The following EBF1 variants were observed in gnomAD, a reference collection of about 807,000 sequenced individuals.
EBF1 encodes the protein transcription factor COE1.
EBF1 carries 10 observed loss-of-function variants against 68.4 expected under a neutral mutation model. The observed-to-expected ratio is 0.15, with a 90% CI of 0.09 to 0.25. The LOEUF (loss-of-function observed/expected upper bound fraction) is 0.25. EBF1 is among the 10% of genes least tolerant of loss of function. EBF1 has a pLI of 1.00. For synonymous variants in EBF1, 298 were observed against 299.8 expected, an observed-to-expected ratio of 0.99 and a Z score of 0.06; for missense variants, 509 against 794.4, an observed-to-expected ratio of 0.64 and a Z score of 4.32.
intron 6 of EBF1, among the ~76,000 whole-genome samples, chr5:158,863,205 G>A (rs188309218): frequency 9.9e-5 from 15 of 152,200 alleles, no homozygotes; most frequent in African/African-American, 3.6e-4. Flanking sequence ...CTCCCCCCAT[G>A]TAAGTCCTCA....
intron 10 of EBF1, among the ~76,000 whole-genome samples, chr5:158,756,976 T>G (rs895709467): frequency 7.3e-6 from 1 of 136,674 alleles, no homozygotes; most frequent in Admixed American, 7.4e-5. Flanking sequence ...ACCCTCATGC[T>G]GAAAAAAAAA....
chr5:159,061,507 A>C (rs1775815818), intron 6 of EBF1, among the ~76,000 whole-genome samples: 1 of 152,106 alleles, frequency 6.6e-6, no homozygotes. Context: ...TTAAACTATG[A>C]CAAATCATTT....
At chr5:158,737,266 A>ATTTTTTTTTTTTTT (rs61380054) in intron 10 of EBF1, among the ~76,000 whole-genome samples, 3 of 55,598 alleles carry the variant, frequency 5.4e-5, no homozygotes, top group Admixed American at 3.2e-4. Flanking sequence ...ACATGCCCTG[A>ATTTTTTTTTTTTTT]TTTTTTTTTT....
intron 6 of EBF1, among the ~76,000 whole-genome samples, chr5:158,866,827 GTATATGTATATATATATATATATATATA>G (rs1795958212): frequency 3.4e-5 from 2 of 58,344 alleles, no homozygotes; most frequent in Non-Finnish European, 3.1e-5. Context: ...GTATATATAT[GTATATGTATATATATATATATATATATA>G]TATATATATA....
At chr5:158,938,420 T>G (rs550687169) in intron 6 of EBF1, among the ~76,000 whole-genome samples, 1 of 152,346 alleles carries the variant, frequency 6.6e-6, no homozygotes, top group African/African-American at 2.4e-5. Flanking sequence ...CTCCGGGAAT[T>G]GTCCCAGCTG....
intron 6 of EBF1, among the ~76,000 whole-genome samples, chr5:158,989,112 T>C (rs1189813247): frequency 6.6e-6 from 1 of 152,206 alleles, no homozygotes; most frequent in Non-Finnish European, 1.5e-5. Flanking sequence ...CCTGGCTGTC[T>C]GATACCCAGC....
chr5:158,896,787 G>A (rs1477893349), intron 6 of EBF1, among the ~76,000 whole-genome samples: 1 of 151,960 alleles, frequency 6.6e-6, no homozygotes, highest in Non-Finnish European at 1.5e-5. Context: ...AAAACCTCTT[G>A]TAAAATAAAT....
At chr5:159,098,695 AAAG>A (rs1445718584) in intron 1 of EBF1, among the ~76,000 whole-genome samples, 2 of 151,464 alleles carry the variant, frequency 1.3e-5, no homozygotes, top group African/African-American at 2.4e-5. Context: ...AGAAGAAAGA[AAAG>A]AAGGCAGGAA....
intron 6 of EBF1, among the ~76,000 whole-genome samples, chr5:158,999,859 T>C (rs1405635784): frequency 6.6e-6 from 1 of 152,206 alleles, no homozygotes; most frequent in Non-Finnish European, 1.5e-5. Context: ...CCAACTCTTT[T>C]CCTACTGTTC....
chr5:158,879,057 C>T (rs1798337944), intron 6 of EBF1, among the ~76,000 whole-genome samples: 1 of 151,968 alleles, frequency 6.6e-6, no homozygotes, highest in African/African-American at 2.4e-5. Flanking sequence ...TTTTTTTCTC[C>T]TTTGGTCTAG....
chr5:159,061,959 C>T (rs1213348684), intron 6 of EBF1, among the ~76,000 whole-genome samples: 2 of 152,142 alleles, frequency 1.3e-5, no homozygotes, highest in Non-Finnish European at 2.9e-5. Context: ...CAATAAGAAT[C>T]CATGTTCAAA....
chr5:158,878,694 A>G (rs1299060117), intron 6 of EBF1, among the ~76,000 whole-genome samples: 2 of 144,398 alleles, frequency 1.4e-5, no homozygotes, highest in African/African-American at 2.6e-5. Flanking sequence ...CCCAGGCTGG[A>G]GTGCAGTGGA....
intron 6 of EBF1, among the ~76,000 whole-genome samples, chr5:158,980,269 T>C (rs1757638511): frequency 6.6e-6 from 1 of 152,222 alleles, no homozygotes; most frequent in South Asian, 2.1e-4. Context: ...TTGCCTTTTG[T>C]TCTTTGGAGA....
At chr5:158,959,298 T>TA (rs1204200076) in intron 6 of EBF1, among the ~76,000 whole-genome samples, 1 of 151,680 alleles carries the variant, frequency 6.6e-6, no homozygotes, top group Non-Finnish European at 1.5e-5. Flanking sequence ...TAAGAATTTT[T>TA]TTTTTTTTTT....
intron 6 of EBF1, among the ~76,000 whole-genome samples, chr5:158,900,470 C>G (rs1368452733): frequency 6.6e-6 from 1 of 152,142 alleles, no homozygotes; most frequent in Non-Finnish European, 1.5e-5. Context: ...TCTCTCTAGG[C>G]AGTTCTGATT....
At position 158,998,770 on chromosome 5, in the gene EBF1, T is replaced by G. The variant is rs145797831; in HGVS notation, c.554+74626A>C. 2.2e-3 allele frequency among the ~76,000 whole-genome samples: 341 copies of G among 152,282 alleles called. 2 individuals carry two copies. The highest frequency in any genetic ancestry group is 7.5e-3 in the African/African-American group (310 of 41,544). On this transcript the variant is annotated intron_variant, in intron 6 of 15. Transcript: ENST00000313708. ...ATATAATTATTAAATTCAAAATGCC[T>G]GTGTATCTCCTGAAATCATCTCACA... is the stretch of plus-strand genomic sequence containing the variant.
chr5:158,744,448 G>T (rs1473453657), intron 10 of EBF1, among the ~76,000 whole-genome samples: 2 of 152,112 alleles, frequency 1.3e-5, no homozygotes, highest in African/African-American at 4.8e-5. Context: ...AACCAGGAGA[G>T]GTCTGAGGAG....
intron 5 of EBF1, among the ~76,000 whole-genome samples, chr5:159,074,023 TAAA>T (rs1361023846): frequency 6.6e-6 from 1 of 152,076 alleles, no homozygotes; most frequent in African/African-American, 2.4e-5. Flanking sequence ...TTCATGAGAA[TAAA>T]GGTAAAACAC....
intron 6 of EBF1, among the ~76,000 whole-genome samples, chr5:159,011,882 T>C (rs1764730545): frequency 6.6e-6 from 1 of 152,248 alleles, no homozygotes; most frequent in Non-Finnish European, 1.5e-5. Context: ...CCACATAGCC[T>C]TTGTGGAGCC....
Sources: gnomAD v4.1 joint callset for allele counts (sites outside exome capture counted in the v4.1 genomes callset) on GRCh38, gnomAD v4.1.1 for gene constraint, MANE v1.5 for transcripts, NCBI Gene and HGNC (gene_info 2026-07-23, HGNC 2026-07-21) for gene names.